Variants in FMO3 observed in about 807,000 individuals in gnomAD.
FMO3 encodes flavin containing dimethylaniline monoxygenase 3.
FMO3 carries 40 observed loss-of-function variants against 39.4 expected under a neutral mutation model. The ratio of observed to expected loss-of-function variants is 1.02; its 90% CI spans 0.79 to 1.32. The LOEUF (loss-of-function observed/expected upper bound fraction) is 1.32, where lower values mean the gene tolerates loss of function less well. Ranked by LOEUF, FMO3 falls within the 40% of genes most tolerant of loss-of-function variation. FMO3 has a pLI of 0.00. For missense variants in FMO3, 680 were observed against 651.8 expected (o/e 1.04, Z -0.47); for synonymous variants, 219 against 228.8 (o/e 0.96, Z 0.39).
At chr1:171,096,066 AT>A (rs1251672920) in intron 2 of FMO3, among the ~76,000 whole-genome samples, 1 of 63,776 alleles carries the variant, frequency 1.6e-5, no homozygotes. Flanking sequence ...AATATATATT[AT>A]ATATTAATAT....
Position 171,114,020 on chromosome 1 carries a change from G to C in FMO3, c.841G>C (p.Glu281Gln), listed in dbSNP as rs781705395. ...TTTTCCATACAGAGTCCTGAGGAAA[G>C]AGCCTGTATTTAACGATGAGCTCCC... The part of the protein sequence containing the change: ...LMPLNGVLRK[E>Q]PVFNDELPAS... The change falls in exon 7 of 9, where the codon GAG (glutamate) becomes CAG (glutamine). Residue 281 changes from glutamate to glutamine, a missense_variant. Physicochemically the swap from Glu to Gln is conservative, Grantham distance 29 (BLOSUM62 2). Transcript: ENST00000367755. 7 of 1,607,262 alleles carry C rather than the reference G, an allele frequency of 4.4e-6. No homozygotes were observed. The highest frequency in any genetic ancestry group is 1.7e-6 in the Non-Finnish European group (2 of 1,175,070).
At chr1:171,105,910 A>T (rs906673725) in intron 3 of FMO3, among the ~76,000 whole-genome samples, 3 of 152,126 alleles carry the variant, frequency 2.0e-5, no homozygotes, top group Non-Finnish European at 4.4e-5. Flanking sequence ...CATTATCTTA[A>T]TCTTTATCTT....
rs371727643 is a variant in FMO3 at position 171,117,455 on chromosome 1, C to G, written c.*13C>G. 1.1e-5 allele frequency: 18 copies of G among 1,607,828 alleles called. No homozygotes were observed. The highest frequency in any genetic ancestry group is 1.1e-4 in the East Asian group (5 of 44,818). The stretch of plus-strand genomic sequence containing the variant: ...TGTGTTGACCTAATCATCATTTTCT[C>G]TAGGATTTCTGAAAGTTACTGACAA... On this transcript the variant is annotated 3_prime_UTR_variant, in exon 9 of 9. Transcript: ENST00000367755.
At chr1:171,109,503 A>G (rs28363555) in intron 5 of FMO3, among the ~76,000 whole-genome samples, 1 of 135,708 alleles carries the variant, frequency 7.4e-6, no homozygotes, top group Admixed American at 7.3e-5. Flanking sequence ...AGGCTATTTA[A>G]TTAATTGATC....
intron 2 of FMO3, among the ~76,000 whole-genome samples, chr1:171,102,697 GT>G (rs758860030): frequency 8.5e-5 from 13 of 152,128 alleles, no homozygotes; most frequent in Non-Finnish European, 1.5e-4. Context: ...AAAGCTCCCA[GT>G]TTATTTCAGT....
intron 2 of FMO3, among the ~76,000 whole-genome samples, chr1:171,102,109 C>G (rs778468390): frequency 6.6e-6 from 1 of 152,120 alleles, no homozygotes. Flanking sequence ...TTAAAGAACA[C>G]GCTGCTTTCT....
At position 171,117,044 on chromosome 1, in the gene FMO3, T is replaced by C. The variant is rs28363594; in HGVS notation, c.1257-56T>C. 2,566 of 1,319,180 alleles carry C rather than the reference T, an allele frequency of 1.9e-3. 40 individuals carry two copies. In the African/African-American group the frequency reaches 0.032, roughly 17 times the overall value. 81.7% of individuals were successfully genotyped at this position (1,319,180 alleles called of 1,614,324 possible). A position where few individuals can be genotyped will look rare whatever the true frequency, so the allele number is the denominator to read the frequency against. ...TAAAGTTGCGAGCCATTTTCTCTGT[T>C]CTGTTTCTACACAGAGTTTGGGTAT... On this transcript the variant is annotated intron_variant, in intron 8 of 8. Coordinates refer to ENST00000367755, the MANE Select transcript of FMO3 (RefSeq NM_001002294.3).
In FMO3 at chr1:171,112,126, C is replaced by T. The variant is rs371333910; in HGVS notation, c.827+1129C>T. ...CAGGGCTGGCATGATCAACAAACAACAATGGGGCTTCTCTTCCTTGAGAAA... is the reference window on the plus strand; with the variant it reads ...CAGGGCTGGCATGATCAACAAACAATAATGGGGCTTCTCTTCCTTGAGAAA... On this transcript the variant is annotated intron_variant, in intron 6 of 8. Coordinates refer to ENST00000367755, the MANE Select transcript of FMO3 (RefSeq NM_001002294.3). Among the ~76,000 whole-genome samples the T allele has an allele frequency of 4.6e-5, 7 of 152,238 alleles. No individual in the cohort carries two copies. The East Asian group carries it at 9.7e-4, about 21-fold the overall frequency.
At chr1:171,105,526 T>C (rs1655600078) in intron 3 of FMO3, among the ~76,000 whole-genome samples, 1 of 152,134 alleles carries the variant, frequency 6.6e-6, no homozygotes, top group African/African-American at 2.4e-5. Context: ...GTGTTCCTAT[T>C]TCTCCACATC....
At chr1:171,094,121 G>A (rs12059956) in intron 2 of FMO3, among the ~76,000 whole-genome samples, 63,239 of 151,740 alleles carry the variant, frequency 0.42, 13,685 homozygotes, top group African/African-American at 0.5. Flanking sequence ...GAGCCACTGC[G>A]CCTGGCCTTT....
rs774300685 is a variant in FMO3 at position 171,107,711 on chromosome 1, G to T, written c.358G>T (p.Ala120Ser). ...CAGTGTAAATAAACATCCTGATTTTGCAACTACTGGCCAGTGGGATGTTAC... is the reference window on the plus strand; with the variant it reads ...CAGTGTAAATAAACATCCTGATTTTTCAACTACTGGCCAGTGGGATGTTAC... ...VSSVNKHPDF[A>S]TTGQWDVTTE... Residue 120 changes from alanine (A) to serine (S), a missense_variant, in exon 4 of 9, where the codon GCA (alanine) becomes TCA (serine). Ala to Ser is a moderately conservative substitution (Grantham distance 99, BLOSUM62 1). Transcript: ENST00000367755. 3.7e-6 allele frequency: 6 copies of T among 1,613,100 alleles called. No individual in the cohort carries two copies. Among genetic ancestry groups the T allele is most frequent in the Non-Finnish European group, 5.1e-6 (6 of 1,179,244 alleles).
At chr1:171,101,182 C>G in intron 2 of FMO3, 1 of 456,234 alleles carries the variant, frequency 2.2e-6, no homozygotes, top group Non-Finnish European at 4.4e-6. Flanking sequence ...TGGATTCTCT[C>G]CTGGAGCCTC....
At chr1:171,101,021 G>T in intron 2 of FMO3, 1 of 434,898 alleles carries the variant, frequency 2.3e-6, no homozygotes, top group South Asian at 1.7e-5. Context: ...GTGATGTGAT[G>T]ACCTCAACAG....
intron 2 of FMO3, chr1:171,100,247 T>C (rs544587098): frequency 1.3e-5 from 2 of 152,326 alleles, no homozygotes; most frequent in African/African-American, 4.8e-5. Flanking sequence ...GACTTTAAAA[T>C]TTGAACCTGG....
At chr1:171,099,879 G>T (rs1655293613) in intron 2 of FMO3, 1 of 151,068 alleles carries the variant, frequency 6.6e-6, no homozygotes, top group South Asian at 2.1e-4. Flanking sequence ...CCACCTCCTG[G>T]GATCAAGGGA....
At chr1:171,108,603 T>C (rs1469869876) in intron 5 of FMO3, among the ~76,000 whole-genome samples, 1 of 152,194 alleles carries the variant, frequency 6.6e-6, no homozygotes, top group East Asian at 1.9e-4. Context: ...AACCTACTTC[T>C]GGGCTTGTTA....
chr1:171,110,475 AGG>A (rs1467166927), intron 5 of FMO3, among the ~76,000 whole-genome samples: 1 of 152,164 alleles, frequency 6.6e-6, no homozygotes, highest in Admixed American at 6.5e-5. Context: ...TTCCACAGGA[AGG>A]GAAGGAAGCT....
At chr1:171,103,557 T>C (rs926057573) in intron 2 of FMO3, among the ~76,000 whole-genome samples, 5 of 152,112 alleles carry the variant, frequency 3.3e-5, no homozygotes, top group Non-Finnish European at 7.3e-5. Flanking sequence ...TTGCATTAGG[T>C]ATTATAAGTA....
In FMO3 at chr1:171,114,091, G is replaced by A. The variant is rs866566270; in HGVS notation, c.912G>A (p.Lys304=). 2 of 1,613,748 alleles carry A rather than the reference G, an allele frequency of 1.2e-6. No homozygotes were observed. The highest frequency in any genetic ancestry group is 1.1e-5 in the South Asian group (1 of 91,064). The change falls in exon 7 of 9, where the codon AAG becomes AAA. Residue 304 remains lysine, a synonymous_variant. Coordinates refer to ENST00000367755, the MANE Select transcript of FMO3 (RefSeq NM_001002294.3). Reference sequence around the variant, plus strand: ...TTGTGTCCGTAAAGCCTAACGTGAAGGAATTCACAGAGACCTCGGCCATTT... The same window carrying A: ...TTGTGTCCGTAAAGCCTAACGTGAAAGAATTCACAGAGACCTCGGCCATTT... ...CGIVSVKPNV[K]EFTETSAIFE...
Sources: allele counts gnomAD v4.1 joint callset (sites outside exome capture counted in the v4.1 genomes callset), GRCh38; gene constraint gnomAD v4.1.1; transcripts MANE v1.5; gene names NCBI Gene and HGNC (gene_info 2026-07-23, HGNC 2026-07-21).